Variants in CTSC observed in about 807,000 individuals in gnomAD.
CTSC encodes dipeptidyl peptidase 1.
A neutral mutation model predicts 40.9 loss-of-function variants in CTSC; 37 were observed. The ratio of observed to expected loss-of-function variants is 0.91; its 90% CI spans 0.70 to 1.19. The LOEUF is 1.19. Among genes scored for constraint, CTSC ranks in the 50% most tolerant of loss-of-function variants. The pLI is 0.00. For synonymous variants in CTSC, 232 were observed against 207.4 expected (o/e 1.12, Z -1.02); for missense variants, 594 against 567.3 (o/e 1.05, Z -0.48).
intron 2 of CTSC, chr11:88,326,363 G>C: frequency 6.2e-7 from 1 of 1,613,892 alleles, no homozygotes; most frequent in Non-Finnish European, 8.5e-7. Flanking sequence ...CACTGTCGCA[G>C]GCTGCTCTGT....
chr11:88,306,825 C>T (rs551788927), intron 4 of CTSC, among the ~76,000 whole-genome samples: 1 of 152,322 alleles, frequency 6.6e-6, no homozygotes, highest in African/African-American at 2.4e-5. Flanking sequence ...TAACACAAGC[C>T]ATCTGCAGAC....
rs1000174430 is a variant in CTSC at position 88,296,056 on chromosome 11, C to A, written c.889+77G>T. The A allele has an allele frequency of 2.7e-6, 4 of 1,487,546 alleles. No individual in the cohort carries two copies. The African/African-American group carries it at 5.5e-5, about 21-fold the overall frequency. 92.1% of individuals were successfully genotyped at this position (1,487,546 alleles called of 1,614,324 possible). A position where few individuals can be genotyped will look rare whatever the true frequency, so the allele number is the denominator to read the frequency against. The stretch of plus-strand genomic sequence containing the variant: ...CACTGCGCTCTCTCTACTGCATCAT[C>A]CTTTTGCCTTTGCCAACAACAGCCA... On this transcript the variant is annotated intron_variant, in intron 6 of 6. Transcript: ENST00000227266.
chr11:88,293,762 T>C lies in CTSC; in HGVS notation c.*244A>G, dbSNP rs1453297655. ...GAATTACAAATGATTAAGCAAACTC[T>C]ATTACTTCATAGCTGACCATCTTCC... On this transcript the variant is annotated 3_prime_UTR_variant, in exon 7 of 7. Transcript: ENST00000227266. 1.1e-5 allele frequency: 6 copies of C among 554,330 alleles called. No individual in the cohort carries two copies. The East Asian group carries it at 1.9e-4, about 17-fold the overall frequency. 34.3% of individuals were successfully genotyped at this position (554,330 alleles called of 1,614,324 possible).
At chr11:88,316,991 G>A (rs988885709) in intron 2 of CTSC, among the ~76,000 whole-genome samples, 4 of 151,010 alleles carry the variant, frequency 2.6e-5, no homozygotes, top group African/African-American at 9.7e-5. Context: ...TTTCAAGATG[G>A]AGTCTTGTTC....
intron 1 of CTSC, among the ~76,000 whole-genome samples, chr11:88,336,796 T>C (rs1241553971): frequency 6.6e-6 from 1 of 152,180 alleles, no homozygotes; most frequent in East Asian, 1.9e-4. Flanking sequence ...GGGGTAACCA[T>C]GTTATCTGAA....
Position 88,300,558 on chromosome 11 carries a change from G to A in CTSC, c.729C>T (p.Ile243=), listed in dbSNP as rs766063253. The change falls in exon 5 of 7, where the codon ATC becomes ATT. Residue 243 remains isoleucine, a synonymous_variant. Transcript: ENST00000227266. ...TSWDWRNVHG[I]NFVSPVRNQA... is the part of the protein sequence containing the mutation. The stretch of plus-strand genomic sequence containing the variant: ...GGTTTCGAACAGGACTGACAAAATT[G>A]ATACCATGAACATTTCTCCAGTCCC... 1.3e-5 allele frequency: 21 copies of A among 1,612,468 alleles called. 1 individual carries two copies. The South Asian group carries it at 2.3e-4, about 18-fold the overall frequency.
intron 1 of CTSC, among the ~76,000 whole-genome samples, chr11:88,336,463 C>G (rs1395282281): frequency 6.7e-6 from 1 of 149,784 alleles, no homozygotes; most frequent in East Asian, 2.0e-4. Flanking sequence ...CGCTTAAACC[C>G]GGGAGGCGGA....
intron 2 of CTSC, among the ~76,000 whole-genome samples, chr11:88,332,342 TTG>T (rs1033548918): frequency 6.6e-6 from 1 of 152,232 alleles, no homozygotes; most frequent in Admixed American, 6.5e-5. Flanking sequence ...TTACATGGGC[TTG>T]TGTTTTCCTT....
At chr11:88,306,977 C>G (rs12292545) in intron 4 of CTSC, among the ~76,000 whole-genome samples, 1 of 151,992 alleles carries the variant, frequency 6.6e-6, no homozygotes. Flanking sequence ...CATGCTCCCC[C>G]TAGGGGTTTG....
At chr11:88,321,972 A>G (rs1938026540) in intron 2 of CTSC, 1 of 152,116 alleles carries the variant, frequency 6.6e-6, no homozygotes, top group African/African-American at 2.4e-5. Flanking sequence ...ATGGTATCTC[A>G]TTGTGATTTT....
intron 2 of CTSC, among the ~76,000 whole-genome samples, chr11:88,318,934 C>T (rs1344825437): frequency 6.6e-6 from 1 of 151,952 alleles, no homozygotes; most frequent in Non-Finnish European, 1.5e-5. Context: ...AATAAATAAA[C>T]TAATTAAATT....
chr11:88,326,238 G>C (rs1938182181), intron 2 of CTSC: 2 of 1,485,780 alleles, frequency 1.3e-6, no homozygotes, highest in Admixed American at 4.6e-5. Flanking sequence ...TGTTCAGGAG[G>C]GCAGCTGCCT....
At chr11:88,299,750 C>A (rs1256868685) in intron 5 of CTSC, 1 of 152,170 alleles carries the variant, frequency 6.6e-6, no homozygotes, top group Non-Finnish European at 1.5e-5. Context: ...AGTAACAAAT[C>A]AGCCATGGGT....
At chr11:88,318,553 T>A (rs1591233840) in intron 2 of CTSC, among the ~76,000 whole-genome samples, 1 of 152,218 alleles carries the variant, frequency 6.6e-6, no homozygotes, top group Non-Finnish European at 1.5e-5. Context: ...TTTCAACCAG[T>A]GGTTTCCAGC....
At chr11:88,308,384 T>C (rs1461314047) in intron 4 of CTSC, among the ~76,000 whole-genome samples, 1 of 151,812 alleles carries the variant, frequency 6.6e-6, no homozygotes, top group African/African-American at 2.4e-5. Flanking sequence ...ACTCCATCAA[T>C]TACTCCAGCA....
At chr11:88,300,778 TTTATG>T in intron 4 of CTSC, 133 bp from the exon 5 acceptor site, 1 of 677,952 alleles carries the variant, frequency 1.5e-6, no homozygotes, top group Non-Finnish European at 2.7e-6. Context: ...GAGCACCTGT[TTTATG>T]AGTGATTCAA....
chr11:88,334,953 C>T lies in CTSC; in HGVS notation c.302G>A (p.Trp101Ter), dbSNP rs1358618794. 4 of 1,612,652 alleles carry T rather than the reference C, an allele frequency of 2.5e-6. No homozygotes were observed. Among genetic ancestry groups the T allele is most frequent in the Non-Finnish European group, 3.4e-6 (4 of 1,178,962 alleles). The stretch of plus-strand genomic sequence containing the variant: ...AAAACTAACCTTAAAAAAGGCAAAC[C>T]ACTTGTAGTCATTCAACACAATCTC... Reference protein sequence around the residue: ...GFEIVLNDYKWFAFFKYKEEG... With the variant: ...GFEIVLNDYK The change falls in exon 2 of 7, where the codon TGG becomes TAG. Residue 101 changes from tryptophan (W) to a stop codon, truncating the protein, a stop_gained. Transcript: ENST00000227266. LOFTEE classifies it high-confidence loss of function.
intron 4 of CTSC, among the ~76,000 whole-genome samples, chr11:88,307,542 A>C (rs1018616881): frequency 1.4e-5 from 2 of 145,276 alleles, no homozygotes; most frequent in Non-Finnish European, 3.0e-5. Context: ...AGAGTAATAG[A>C]GCTATACTGA....
intron 2 of CTSC, 140 bp from the exon 3 acceptor site, chr11:88,312,694 T>C: frequency 1.1e-6 from 1 of 947,462 alleles, no homozygotes; most frequent in African/African-American, 1.6e-5. Context: ...GTAAGAATTA[T>C]TCTAGAAAAA....
Sources: gnomAD v4.1 joint callset for allele counts (sites outside exome capture counted in the v4.1 genomes callset) on GRCh38, gnomAD v4.1.1 for gene constraint, MANE v1.5 for transcripts, NCBI Gene and HGNC (gene_info 2026-07-23, HGNC 2026-07-21) for gene names.